The following KLHL32 variants were observed in gnomAD, a reference collection of about 807,000 sequenced individuals.
The protein encoded by KLHL32 is kelch-like protein 32.
In KLHL32, 35 loss-of-function variants were observed where a neutral mutation model predicts 64.8. That is an observed-to-expected ratio of 0.54 (90% confidence interval 0.41 to 0.72). The LOEUF (loss-of-function observed/expected upper bound fraction) is 0.72. Ranked by LOEUF, KLHL32 falls within the 30% of genes least tolerant of loss-of-function variation. The probability of loss-of-function intolerance (pLI) is 0.00; values close to 1 mark genes in which losing one functional copy is unlikely to be tolerated. For synonymous variants in KLHL32, 259 were observed against 281.0 expected, an observed-to-expected ratio of 0.92 and a Z score of 0.78; for missense variants, 589 against 768.5, an observed-to-expected ratio of 0.77 and a Z score of 2.76.
Position 97,136,068 on chromosome 6 carries a change from C to A in KLHL32, c.1702-3053C>A, listed in dbSNP as rs201949924. Among the ~76,000 whole-genome samples, 24 of 152,276 alleles carry A rather than the reference C, an allele frequency of 1.6e-4. No individual in the cohort carries two copies. In the East Asian group the frequency reaches 4.6e-3, roughly 29 times the overall value. On this transcript the variant is annotated intron_variant, in intron 10 of 10. Coordinates refer to ENST00000369261, the MANE Select transcript of KLHL32 (RefSeq NM_052904.4). ...TAAAGGTTTAAATTTTTTGTGTCGT[C>A]AGTCACAAATCTGTATATTTGATCC...
At chr6:97,000,459 C>T (rs917993012) in intron 3 of KLHL32, among the ~76,000 whole-genome samples, 2 of 152,204 alleles carry the variant, frequency 1.3e-5, no homozygotes, top group African/African-American at 2.4e-5. Flanking sequence ...AACCGGATTT[C>T]TGATCTTGTC....
Position 96,967,064 on chromosome 6 carries a change from C to T in KLHL32, c.4C>T (p.Pro2Ser), listed in dbSNP as rs866369113. 1 of 1,613,440 alleles carries T rather than the reference C, an allele frequency of 6.2e-7. No homozygotes were observed. Reference sequence around the variant, plus strand: ...ACCTGAGGAACCCAGCTGGAAAATGCCGTCTGAACGCTGCCTCAGGTATGC... The same window carrying T: ...ACCTGAGGAACCCAGCTGGAAAATGTCGTCTGAACGCTGCCTCAGGTATGC... M[P>S]SERCLSIQEM... Residue 2 changes from proline (P) to serine (S), a missense_variant, in exon 2 of 11, where the codon CCG becomes TCG. Physicochemically the swap from Pro to Ser is moderately conservative, Grantham distance 74 (BLOSUM62 -1). This residue lies in a region of KLHL32 where 191 missense variants were observed against 223.3 expected (regional missense o/e 0.86). Transcript: ENST00000369261.
rs148761920 is a variant in KLHL32 at position 97,103,736 on chromosome 6, G to A, written c.628-10047G>A. Among the ~76,000 whole-genome samples the A allele has an allele frequency of 2.9e-3, 443 of 151,760 alleles. 1 individual carries two copies. The highest frequency in any genetic ancestry group is 0.01 in the African/African-American group (430 of 41,376). Reference sequence around the variant, plus strand: ...CACTTTCATACATGCAAACATTCACGCAGACATTTCTGCTGAGCACAGAAT... The same window carrying A: ...CACTTTCATACATGCAAACATTCACACAGACATTTCTGCTGAGCACAGAAT... On this transcript the variant is annotated intron_variant, in intron 6 of 10. Transcript: ENST00000369261.
chr6:97,030,414 A>G (rs569392193), intron 3 of KLHL32, among the ~76,000 whole-genome samples: 3 of 152,370 alleles, frequency 2.0e-5, no homozygotes, highest in South Asian at 2.1e-4. Context: ...ATAACACACC[A>G]TAAATCCACA....
chr6:96,991,637 C>T (rs984933332), intron 3 of KLHL32, among the ~76,000 whole-genome samples: 1 of 152,146 alleles, frequency 6.6e-6, no homozygotes, highest in South Asian at 2.1e-4. Flanking sequence ...GGAAAACTGG[C>T]CGCTTTTCTG....
chr6:96,994,558 T>G lies in KLHL32; in HGVS notation c.204+18381T>G, dbSNP rs899773989. The G allele has an allele frequency of 6.1e-6, 6 of 985,326 alleles. No individual in the cohort carries two copies. In the African/African-American group the frequency reaches 8.7e-5, roughly 14 times the overall value. 61.0% of individuals were successfully genotyped at this position (985,326 alleles called of 1,614,324 possible). A position where few individuals can be genotyped will look rare whatever the true frequency, so the allele number is the denominator to read the frequency against. ...TGTTCTGATTCAGGGAAGGTGGGAC[T>G]GCAAGAGTAAGAAGGCCGAAGCTTT... On this transcript the variant is annotated intron_variant, in intron 3 of 10. Transcript: ENST00000369261.
chr6:97,022,750 A>G (rs1212774809), intron 3 of KLHL32, among the ~76,000 whole-genome samples: 3 of 152,216 alleles, frequency 2.0e-5, no homozygotes, highest in Non-Finnish European at 4.4e-5. Context: ...GATTATAGGC[A>G]TGAGCCATGG....
intron 3 of KLHL32, among the ~76,000 whole-genome samples, chr6:97,021,834 C>G (rs1782027455): frequency 6.6e-6 from 1 of 150,942 alleles, no homozygotes; most frequent in Admixed American, 6.6e-5. Flanking sequence ...CCAGTTTTCT[C>G]CCACAAAACT....
rs1171872521 is a variant in KLHL32 at position 96,924,915 on chromosome 6, T to C, written c.-177T>C. On this transcript the variant is annotated 5_prime_UTR_variant, in exon 1 of 11. Transcript: ENST00000369261. ...CCAGCAGAGCGAAGCTACTGCGGGTTCTGTTAACCTCAGCATCGTGGGGCG... is the reference window on the plus strand; with the variant it reads ...CCAGCAGAGCGAAGCTACTGCGGGTCCTGTTAACCTCAGCATCGTGGGGCG... 1 of 152,210 alleles carries C rather than the reference T, an allele frequency of 6.6e-6. No homozygotes were observed. The highest frequency in any genetic ancestry group is 1.5e-5 in the Non-Finnish European group (1 of 68,102). The allele number at this position is 152,210 out of a possible 1,614,324, so 9.4% of individuals were successfully genotyped here.
chr6:97,056,435 G>A (rs2128142452), intron 4 of KLHL32, among the ~76,000 whole-genome samples: 1 of 152,078 alleles, frequency 6.6e-6, no homozygotes, highest in East Asian at 1.9e-4. Context: ...CTTGGCCTTT[G>A]TAACACTGCT....
At chr6:96,993,070 A>G (rs1455119124) in intron 3 of KLHL32, among the ~76,000 whole-genome samples, 6 of 152,242 alleles carry the variant, frequency 3.9e-5, no homozygotes, top group Non-Finnish European at 8.8e-5. Context: ...GGGCAGTGCT[A>G]AGTGCTGGAG....
intron 4 of KLHL32, among the ~76,000 whole-genome samples, chr6:97,056,377 T>C (rs1394646864): frequency 6.6e-6 from 1 of 152,102 alleles, no homozygotes; most frequent in Non-Finnish European, 1.5e-5. Context: ...AGTGCTGGGA[T>C]TACAAACGTG....
chr6:96,953,045 G>C (rs987481406), intron 1 of KLHL32, among the ~76,000 whole-genome samples: 2 of 152,122 alleles, frequency 1.3e-5, no homozygotes, highest in Non-Finnish European at 2.9e-5. Context: ...TGGGGAGGCT[G>C]ATTTGAGTAA....
intron 2 of KLHL32, among the ~76,000 whole-genome samples, chr6:96,968,096 A>G (rs1484441324): frequency 1.3e-5 from 2 of 152,166 alleles, no homozygotes; most frequent in East Asian, 1.9e-4. Flanking sequence ...CTCTGAAGCT[A>G]TTAGAGGTGA....
intron 3 of KLHL32, among the ~76,000 whole-genome samples, chr6:97,018,545 G>A (rs1484137980): frequency 6.8e-6 from 1 of 146,582 alleles, no homozygotes; most frequent in Non-Finnish European, 1.5e-5. Context: ...AGGTTGCAGC[G>A]AGCCGAGATC....
At chr6:97,021,090 T>C (rs778308074) in intron 3 of KLHL32, among the ~76,000 whole-genome samples, 2 of 151,002 alleles carry the variant, frequency 1.3e-5, no homozygotes, top group Non-Finnish European at 2.9e-5. Flanking sequence ...AGGAGTTGGC[T>C]CATACGATTA....
intron 6 of KLHL32, among the ~76,000 whole-genome samples, chr6:97,088,603 G>A (rs1248801594): frequency 6.6e-6 from 1 of 152,074 alleles, no homozygotes; most frequent in African/African-American, 2.4e-5. Context: ...CAAGTTCTAG[G>A]GATCTAATAT....
chr6:96,966,964 A>T, intron 1 of KLHL32, 32 bp from the exon 2 acceptor site: 1 of 1,111,176 alleles, frequency 9.0e-7, no homozygotes, highest in Non-Finnish European at 1.4e-6. Context: ...CATTTAGCTC[A>T]ATGCACCCTT....
intron 3 of KLHL32, 41 bp downstream of exon 3, chr6:96,976,218 G>A: frequency 4.0e-6 from 6 of 1,483,530 alleles, no homozygotes; most frequent in Non-Finnish European, 4.5e-6. Context: ...TATTGATAAA[G>A]AGAGGATGAC....
Sources: allele counts gnomAD v4.1 joint callset (sites outside exome capture counted in the v4.1 genomes callset), GRCh38; gene constraint gnomAD v4.1.1; regional missense constraint gnomAD v4.1.1; transcripts MANE v1.5; gene names NCBI Gene and HGNC (gene_info 2026-07-23, HGNC 2026-07-21).